ERICH2: variants seen among roughly 807,000 people sequenced by gnomAD.
ERICH2 encodes glutamate-rich protein 2.
A neutral mutation model predicts 17.4 loss-of-function variants in ERICH2; 17 were observed. The observed-to-expected ratio is 0.98, with a 90% CI of 0.67 to 1.47. ERICH2 has a LOEUF of 1.47. Among genes scored for constraint, ERICH2 ranks in the 40% most tolerant of loss-of-function variants. ERICH2 has a pLI of 0.00. For missense variants in ERICH2, 186 were observed against 183.2 expected, an observed-to-expected ratio of 1.01 and a Z score of -0.09; for synonymous variants, 51 against 61.1, an observed-to-expected ratio of 0.83 and a Z score of 0.77.
the ERICH2 span, among the ~76,000 whole-genome samples, chr2:170,775,349 T>C: frequency 6.6e-6 from 1 of 152,044 alleles, no homozygotes; most frequent in African/African-American, 2.4e-5. Flanking sequence ...GGAGGATTGC[T>C]TGAGCCCAGG....
the ERICH2 span, among the ~76,000 whole-genome samples, chr2:170,773,737 T>G: frequency 6.6e-6 from 1 of 152,198 alleles, no homozygotes; most frequent in Admixed American, 6.5e-5. Context: ...TATTGTCTTT[T>G]TTTTTAGAGA....
At chr2:170,775,970 T>A in the ERICH2 span, among the ~76,000 whole-genome samples, 1 of 152,206 alleles carries the variant, frequency 6.6e-6, no homozygotes, top group Non-Finnish European at 1.5e-5. Flanking sequence ...ATTATGATAA[T>A]TTTTAAAGTC....
the ERICH2 span, chr2:170,771,395 T>G: frequency 6.6e-6 from 1 of 152,186 alleles, no homozygotes; most frequent in South Asian, 2.1e-4. The surrounding 1 kb of genome is among the most constrained non-coding windows in gnomAD (Gnocchi z 4.8). Flanking sequence ...GCGCCTGGCT[T>G]GCGGCACCCT....
chr2:170,770,765 GT>G, the ERICH2 span: 16 of 155,346 alleles, frequency 1.0e-4, no homozygotes, highest in African/African-American at 2.6e-4. Context: ...ATCCGAGGGT[GT>G]GTGCGCCCAG....
intron 4 of ERICH2, among the ~76,000 whole-genome samples, 176 bp downstream of exon 9, chr2:170,798,288 C>A (rs1178105657): frequency 6.6e-6 from 1 of 152,050 alleles, no homozygotes; most frequent in Non-Finnish European, 1.5e-5. Flanking sequence ...TCACAATGAC[C>A]CCCTTCTCTC....
At chr2:170,786,722 CTA>C (rs1418893089) in intron 2 of ERICH2, among the ~76,000 whole-genome samples, 1 of 151,880 alleles carries the variant, frequency 6.6e-6, no homozygotes, top group African/African-American at 2.4e-5. Context: ...ATATCTATTG[CTA>C]TCTCTTCAGG....
At chr2:170,783,949 G>C (rs1308693512) in intron 1 of ERICH2, 2 of 1,539,706 alleles carry the variant, frequency 1.3e-6, no homozygotes, top group Non-Finnish European at 1.8e-6. Context: ...TTTGGGTTTA[G>C]AGTCAGGAGT....
At chr2:170,783,989 T>G (rs1050820951) in intron 1 of ERICH2, 5 of 1,353,938 alleles carry the variant, frequency 3.7e-6, no homozygotes, top group South Asian at 1.3e-5. Context: ...TTTACCTTTT[T>G]TTGTTGTTGT....
rs114549640 is a variant in ERICH2, at chr2:170,798,316, C to T, written c.346+204C>T. ...CTTCTCTCTGTGGGATAGAACTGCCCGAGCAGAGCAGGCTCCCTGGGCACC... is the reference window on the plus strand; with the variant it reads ...CTTCTCTCTGTGGGATAGAACTGCCTGAGCAGAGCAGGCTCCCTGGGCACC... On this transcript the variant is annotated intron_variant, in intron 4 of 4. Transcript: ENST00000409885. Among the ~76,000 whole-genome samples, 1,150 of 152,156 alleles carry T rather than the reference C, an allele frequency of 7.6e-3. 15 individuals carry two copies. Among genetic ancestry groups the T allele is most frequent in the African/African-American group, 0.026 (1,099 of 41,512 alleles).
At position 170,787,444 on chromosome 2, in the gene ERICH2, T is replaced by TA. The variant is rs552349432; in HGVS notation, c.216+2612dup. ...AAGGACAGTACTAAGGCAGTGCCCT[T>TA]ATGGGGATTCTCCCCAGTGTGCTGC... On this transcript the variant is annotated intron_variant, in intron 2 of 4. Coordinates refer to ENST00000409885, the Ensembl canonical transcript of ERICH2. Among the ~76,000 whole-genome samples, 351 of 152,346 alleles carry TA rather than the reference T, an allele frequency of 2.3e-3. 1 individual carries two copies. The highest frequency in any genetic ancestry group is 7.3e-3 in the African/African-American group (305 of 41,588).
chr2:170,774,414 T>C, the ERICH2 span, among the ~76,000 whole-genome samples: 2 of 152,116 alleles, frequency 1.3e-5, no homozygotes, highest in Non-Finnish European at 2.9e-5. Context: ...TTAATCCTTA[T>C]AATAATCCAC....
chr2:170,772,131 G>A, the ERICH2 span, among the ~76,000 whole-genome samples: 2 of 152,150 alleles, frequency 1.3e-5, no homozygotes, highest in African/African-American at 2.4e-5. Context: ...GTTTTCCAGA[G>A]CTGAAATTCC....
upstream of ERICH2, chr2:170,782,355 C>T: frequency 1.0e-6 from 1 of 983,050 alleles, no homozygotes; most frequent in Non-Finnish European, 1.2e-6. Flanking sequence ...TACAGTCTGA[C>T]CTATTGTCAT....
upstream of ERICH2, among the ~76,000 whole-genome samples, chr2:170,780,079 A>G (rs1339690058): frequency 1.3e-5 from 2 of 152,198 alleles, no homozygotes; most frequent in Admixed American, 6.5e-5. Flanking sequence ...ATATGTTCCA[A>G]TGGAATGTCT....
chr2:170,775,456 A>G, the ERICH2 span, among the ~76,000 whole-genome samples: 1 of 152,190 alleles, frequency 6.6e-6, no homozygotes, highest in Admixed American at 6.5e-5. Context: ...ATTAATAAAT[A>G]TAAATGTGAT....
chr2:170,794,665 A>G (rs1701373996), intron 3 of ERICH2, among the ~76,000 whole-genome samples: 1 of 152,252 alleles, frequency 6.6e-6, no homozygotes, highest in African/African-American at 2.4e-5. Flanking sequence ...AAGAGAAAAT[A>G]GCAACTCTAC....
chr2:170,792,971 A>G lies in ERICH2; in HGVS notation c.274+51A>G. 2.7e-6 allele frequency: 3 copies of G among 1,115,074 alleles called. No homozygotes were observed. The South Asian group carries it at 4.7e-5, about 18-fold the overall frequency. 69.1% of individuals were successfully genotyped at this position (1,115,074 alleles called of 1,614,324 possible). On this transcript the variant is annotated intron_variant, in intron 3 of 4. Transcript: ENST00000409885. ...TCTAATCTTCTCTTTGTTTTCAAAA[A>G]TGAATTCCGTAATATATAAAATGGC... is the stretch of plus-strand genomic sequence containing the variant.
chr2:170,773,963 C>G, the ERICH2 span, among the ~76,000 whole-genome samples: 1 of 152,168 alleles, frequency 6.6e-6, no homozygotes, highest in African/African-American at 2.4e-5. Flanking sequence ...CTCAAGCTAT[C>G]CTCTGGCCTC....
the ERICH2 span, among the ~76,000 whole-genome samples, chr2:170,770,423 T>C: frequency 1.3e-5 from 2 of 152,188 alleles, no homozygotes; most frequent in South Asian, 4.1e-4. Context: ...TGGGCTGCTC[T>C]AGCTGGGGGA....
Sources: allele counts gnomAD v4.1 joint callset (sites outside exome capture counted in the v4.1 genomes callset), GRCh38; gene constraint gnomAD v4.1.1; non-coding constraint Gnocchi (gnomAD v3.1); transcripts MANE v1.5; gene names NCBI Gene and HGNC (gene_info 2026-07-23, HGNC 2026-07-21).